The following FTO variants were observed in gnomAD, a reference collection of about 807,000 sequenced individuals.
The protein encoded by FTO is alpha-ketoglutarate-dependent dioxygenase FTO.
Under a neutral mutation model 63.9 loss-of-function variants are expected in FTO, and 47 were observed. The observed-to-expected ratio is 0.74, with a 90% CI of 0.58 to 0.94. The LOEUF (loss-of-function observed/expected upper bound fraction) is 0.94. FTO is among the 40% of genes least tolerant of loss of function. The pLI, the probability that FTO is intolerant of heterozygous loss-of-function variation, is 0.00. For synonymous variants in FTO, 207 were observed against 224.4 expected, an observed-to-expected ratio of 0.92 and a Z score of 0.69; for missense variants, 562 against 618.1, an observed-to-expected ratio of 0.91 and a Z score of 0.96.
intron 1 of FTO, among the ~76,000 whole-genome samples, chr16:53,743,906 T>C (rs2076586045): frequency 6.6e-6 from 1 of 151,924 alleles, no homozygotes; most frequent in Admixed American, 6.6e-5. Flanking sequence ...GTTTGGAAGT[T>C]GTTAATTCAT....
At chr16:53,962,803 C>T (rs1022080313) in intron 8 of FTO, among the ~76,000 whole-genome samples, 1 of 152,128 alleles carries the variant, frequency 6.6e-6, no homozygotes, top group African/African-American at 2.4e-5. Context: ...CTTTTAACAA[C>T]TCAAATCTGC....
At chr16:53,803,651 C>CAA (rs2078285148) in intron 1 of FTO, among the ~76,000 whole-genome samples, 1 of 152,062 alleles carries the variant, frequency 6.6e-6, no homozygotes, top group Non-Finnish European at 1.5e-5. Flanking sequence ...GTGGGTGTGG[C>CAA]CTTGTACCTG....
chr16:53,825,841 T>C, intron 2 of FTO, 23 bp from the exon 3 acceptor site: 1 of 1,610,758 alleles, frequency 6.2e-7, no homozygotes, highest in African/African-American at 1.3e-5. Flanking sequence ...TCAACGTCTG[T>C]TTTTGCTTTG....
chr16:53,819,093 C>G (rs2078777281), intron 2 of FTO, among the ~76,000 whole-genome samples: 1 of 152,092 alleles, frequency 6.6e-6, no homozygotes, highest in Non-Finnish European at 1.5e-5. Context: ...ATATGTATTA[C>G]TATTATAAAA....
At chr16:53,759,203 A>T (rs572439053) in intron 1 of FTO, among the ~76,000 whole-genome samples, 1 of 152,346 alleles carries the variant, frequency 6.6e-6, no homozygotes, top group East Asian at 1.9e-4. Flanking sequence ...TGAAAATATG[A>T]TAGCAGAAAT....
At chr16:53,909,233 A>T (rs1052178610) in intron 7 of FTO, among the ~76,000 whole-genome samples, 2 of 152,158 alleles carry the variant, frequency 1.3e-5, no homozygotes, top group East Asian at 3.9e-4. Flanking sequence ...CTGTTATTAA[A>T]TTTTTTTAAA....
chr16:54,018,100 A>T (rs1355836826), intron 8 of FTO, among the ~76,000 whole-genome samples: 2 of 152,002 alleles, frequency 1.3e-5, no homozygotes, highest in African/African-American at 4.8e-5. Flanking sequence ...TCACTTTGCT[A>T]AAGTTTGAAT....
intron 2 of FTO, among the ~76,000 whole-genome samples, chr16:53,820,155 C>A (rs1470882104): frequency 6.6e-6 from 1 of 151,608 alleles, no homozygotes; most frequent in African/African-American, 2.4e-5. Flanking sequence ...ATTACAGATG[C>A]CCGCCACCAC....
intron 1 of FTO, among the ~76,000 whole-genome samples, chr16:53,719,064 T>C (rs2075965501): frequency 1.3e-5 from 2 of 152,178 alleles, no homozygotes; most frequent in African/African-American, 4.8e-5. Context: ...GTAAAGTGAA[T>C]AAAAATATTG....
intron 1 of FTO, among the ~76,000 whole-genome samples, chr16:53,737,375 A>C (rs1001220410): frequency 6.6e-6 from 1 of 152,052 alleles, no homozygotes; most frequent in Non-Finnish European, 1.5e-5. Context: ...ACTTACACAA[A>C]CCTAGATATG....
intron 8 of FTO, among the ~76,000 whole-genome samples, chr16:53,988,029 C>T (rs370970385): frequency 1.6e-3 from 236 of 152,206 alleles, no homozygotes; most frequent in African/African-American, 5.4e-3. Flanking sequence ...TTTTGGGAAC[C>T]ATTGCCTCCC....
At chr16:54,032,158 C>G (rs1249251448) in intron 8 of FTO, among the ~76,000 whole-genome samples, 2 of 152,132 alleles carry the variant, frequency 1.3e-5, no homozygotes, top group Non-Finnish European at 2.9e-5. Context: ...TTGCTTGAGG[C>G]AAAGGGATGT....
At chr16:54,073,813 T>C (rs2085925567) in intron 8 of FTO, among the ~76,000 whole-genome samples, 1 of 152,112 alleles carries the variant, frequency 6.6e-6, no homozygotes, top group Non-Finnish European at 1.5e-5. Context: ...ATTCTATAGA[T>C]TTAAAGAATA....
chr16:53,708,736 C>A (rs1400805877), intron 1 of FTO, among the ~76,000 whole-genome samples: 1 of 152,156 alleles, frequency 6.6e-6, no homozygotes, highest in East Asian at 1.9e-4. Flanking sequence ...GAAGTAGTAT[C>A]TCATTGTGGT....
At chr16:53,886,283 G>C (rs2080994476) in intron 6 of FTO, among the ~76,000 whole-genome samples, 1 of 152,102 alleles carries the variant, frequency 6.6e-6, no homozygotes, top group Non-Finnish European at 1.5e-5. Context: ...AGTCACCATG[G>C]TTGGCGAGCC....
intron 7 of FTO, among the ~76,000 whole-genome samples, chr16:53,926,725 A>C (rs1365308730): frequency 6.6e-6 from 1 of 152,222 alleles, no homozygotes; most frequent in African/African-American, 2.4e-5. Flanking sequence ...ATAGTATAGA[A>C]TAGCCATGTG....
intron 6 of FTO, 41 bp from the exon 7 acceptor site, chr16:53,888,791 C>T (rs1311191798): frequency 6.2e-7 from 1 of 1,610,938 alleles, no homozygotes; most frequent in Non-Finnish European, 8.5e-7. Context: ...TTGTCTATCA[C>T]AAGGGTATTA....
chr16:53,954,085 A>G (rs1164580157), intron 8 of FTO, among the ~76,000 whole-genome samples: 1 of 152,200 alleles, frequency 6.6e-6, no homozygotes, highest in African/African-American at 2.4e-5. Flanking sequence ...AATGCTTGGC[A>G]AGGAGTAGAT....
At chr16:53,742,096 A>G (rs1312231480) in intron 1 of FTO, among the ~76,000 whole-genome samples, 2 of 152,152 alleles carry the variant, frequency 1.3e-5, no homozygotes, top group Non-Finnish European at 2.9e-5. Context: ...GTAATATTCC[A>G]TAACTTCTGC....
Sources: gnomAD v4.1 joint callset for allele counts (sites outside exome capture counted in the v4.1 genomes callset) on GRCh38, gnomAD v4.1.1 for gene constraint, MANE v1.5 for transcripts, NCBI Gene and HGNC (gene_info 2026-07-23, HGNC 2026-07-21) for gene names.